CAST: variants seen among roughly 807,000 people sequenced by gnomAD.
The protein encoded by CAST is MIR583 host.
In CAST, 76 loss-of-function variants were observed where a neutral mutation model predicts 119.6. That is an observed-to-expected ratio of 0.64 (90% CI 0.53 to 0.77). The LOEUF is 0.77. Ranked by LOEUF, CAST falls within the 30% of genes least tolerant of loss-of-function variation. The probability of loss-of-function intolerance (pLI) is 0.00; values close to 1 mark genes in which losing one functional copy is unlikely to be tolerated. For synonymous variants in CAST, 319 were observed against 331.6 expected (o/e 0.96, Z 0.41); for missense variants, 953 against 946.5 (o/e 1.01, Z -0.09).
the CAST span, among the ~76,000 whole-genome samples, chr5:96,019,522 C>G: frequency 6.6e-6 from 1 of 152,132 alleles, no homozygotes; most frequent in Non-Finnish European, 1.5e-5. Context: ...CTCGGATGGT[C>G]TCTCTTGGAG....
chr5:96,006,322 G>T, the CAST span, among the ~76,000 whole-genome samples: 1 of 151,700 alleles, frequency 6.6e-6, no homozygotes, highest in African/African-American at 2.4e-5. Context: ...AATTGTCTTG[G>T]GCCACACGAT....
the CAST span, among the ~76,000 whole-genome samples, chr5:96,303,267 C>A: frequency 6.6e-6 from 1 of 152,266 alleles, no homozygotes; most frequent in African/African-American, 2.4e-5. Flanking sequence ...CCCCCATGAT[C>A]CAGTCACCTC....
chr5:96,362,332 C>A, the CAST span, among the ~76,000 whole-genome samples: 1 of 152,176 alleles, frequency 6.6e-6, no homozygotes, highest in Non-Finnish European at 1.5e-5. Flanking sequence ...GATTTATAAT[C>A]CTTTGGGTAT....
chr5:96,269,892 G>A, the CAST span, among the ~76,000 whole-genome samples: 1 of 152,106 alleles, frequency 6.6e-6, no homozygotes, highest in African/African-American at 2.4e-5. Flanking sequence ...TACATTCTAT[G>A]AGGTCAGTGT....
intron 1 of CAST, among the ~76,000 whole-genome samples, chr5:96,625,183 G>T (rs1354440871): frequency 6.6e-6 from 1 of 152,076 alleles, no homozygotes; most frequent in Admixed American, 6.6e-5. Context: ...CTCTCAAAGG[G>T]TCACAAAACA....
the CAST span, among the ~76,000 whole-genome samples, chr5:96,114,063 A>G: frequency 1.3e-5 from 2 of 152,202 alleles, no homozygotes; most frequent in African/African-American, 4.8e-5. Context: ...TTTCAACAAT[A>G]AGTGTATGAA....
At chr5:96,551,291 C>A (rs1010688533) in intron 1 of CAST, among the ~76,000 whole-genome samples, 1 of 152,140 alleles carries the variant, frequency 6.6e-6, no homozygotes, top group Non-Finnish European at 1.5e-5. Flanking sequence ...GAATTTTCAA[C>A]GCAGAATTTC....
the CAST span, among the ~76,000 whole-genome samples, chr5:96,513,505 A>AT: frequency 6.6e-6 from 1 of 152,188 alleles, no homozygotes; most frequent in Admixed American, 6.5e-5. Flanking sequence ...CAAATAAGTC[A>AT]CTGGTCAGGT....
chr5:96,301,886 G>T, the CAST span, among the ~76,000 whole-genome samples: 7 of 152,148 alleles, frequency 4.6e-5, no homozygotes, highest in Non-Finnish European at 1.0e-4. Context: ...ACCATTCGGG[G>T]ATCTGGAGGA....
chr5:96,173,099 C>G, the CAST span, among the ~76,000 whole-genome samples: 4 of 152,214 alleles, frequency 2.6e-5, no homozygotes, highest in Non-Finnish European at 5.9e-5. Context: ...TAGATACCGA[C>G]TGGCTGGGAA....
At chr5:95,998,890 T>C in the CAST span, among the ~76,000 whole-genome samples, 1 of 152,198 alleles carries the variant, frequency 6.6e-6, no homozygotes, top group Non-Finnish European at 1.5e-5. Context: ...CATTCCCTTT[T>C]TCCCCATGTT....
intron 3 of CAST, among the ~76,000 whole-genome samples, chr5:96,712,176 A>G (rs968752582): frequency 6.6e-6 from 1 of 152,210 alleles, no homozygotes; most frequent in Admixed American, 6.5e-5. Flanking sequence ...GGAAGGTGGA[A>G]TGTAATGCAG....
chr5:96,771,701 TG>T lies in CAST; in HGVS notation c.*23+1del. 6.3e-7 allele frequency: 1 copy of T among 1,596,790 alleles called. No individual in the cohort carries two copies. Reference sequence around the variant, plus strand: ...CTAAAGAAATACAAGTTAAGGTATCTGGTAAGTTGGGTGTTTATTTGTAAAT... The same window carrying T: ...CTAAAGAAATACAAGTTAAGGTATCTGTAAGTTGGGTGTTTATTTGTAAAT... On this transcript the variant is annotated splice_region_variant and 3_prime_UTR_variant, in exon 31 of 32. Coordinates refer to ENST00000675179, the MANE Select transcript of CAST (RefSeq NM_001750.7).
chr5:96,251,937 C>T, the CAST span, among the ~76,000 whole-genome samples: 10 of 152,100 alleles, frequency 6.6e-5, no homozygotes, highest in African/African-American at 2.2e-4. Flanking sequence ...TCAATCTTTA[C>T]GTTCAGTTAG....
At chr5:96,412,752 G>GTTTTTTTTTTTTTGTTTTT in the CAST span, among the ~76,000 whole-genome samples, 19 of 71,792 alleles carry the variant, frequency 2.6e-4, no homozygotes, top group African/African-American at 1.7e-3. Flanking sequence ...CAGCTGTGAT[G>GTTTTTTTTTTTTTGTTTTT]TTTTTTTTTT....
intron 1 of CAST, among the ~76,000 whole-genome samples, chr5:96,648,820 T>C (rs1454903798): frequency 6.6e-6 from 1 of 152,024 alleles, no homozygotes; most frequent in African/African-American, 2.4e-5. Flanking sequence ...GCTGAATTGA[T>C]TCTGAAGCCC....
the CAST span, among the ~76,000 whole-genome samples, chr5:96,234,274 G>A: frequency 6.6e-6 from 1 of 152,200 alleles, no homozygotes; most frequent in African/African-American, 2.4e-5. Context: ...ATGGCAAACA[G>A]CCTGCTGGGG....
the CAST span, among the ~76,000 whole-genome samples, chr5:95,966,482 A>C: frequency 6.6e-6 from 1 of 152,030 alleles, no homozygotes; most frequent in African/African-American, 2.4e-5. Context: ...TCTTCCCAGG[A>C]TTAGGAGGTG....
chr5:95,980,346 C>T, the CAST span: 1 of 152,018 alleles, frequency 6.6e-6, no homozygotes, highest in Non-Finnish European at 1.5e-5. Context: ...CCTTTTGTTG[C>T]TGAAGGGTTC....
Sources: allele counts gnomAD v4.1 joint callset (sites outside exome capture counted in the v4.1 genomes callset), GRCh38; gene constraint gnomAD v4.1.1; transcripts MANE v1.5; gene names NCBI Gene and HGNC (gene_info 2026-07-23, HGNC 2026-07-21).